Variants in ZNF385D observed in about 807,000 individuals in gnomAD.
ZNF385D encodes zinc finger protein 659.
In ZNF385D, 15 loss-of-function variants were observed where a neutral mutation model predicts 35.8. The observed-to-expected ratio is 0.42, with a 90% CI of 0.28 to 0.64. The LOEUF is 0.64. Among genes scored for constraint, ZNF385D ranks in the 30% least tolerant of loss-of-function variants. The probability of loss-of-function intolerance (pLI) is 0.23; values close to 1 mark genes in which losing one functional copy is unlikely to be tolerated. For missense variants in ZNF385D, 474 were observed against 494.6 expected (o/e 0.96, Z 0.39); for synonymous variants, 212 against 186.8 (o/e 1.13, Z -1.10).
intron 3 of ZNF385D, among the ~76,000 whole-genome samples, chr3:21,832,967 C>T (rs757828888): frequency 6.6e-6 from 1 of 152,146 alleles, no homozygotes; most frequent in Admixed American, 6.5e-5. Context: ...ATATAAAAAT[C>T]AATCTTATTT....
intron 4 of ZNF385D, among the ~76,000 whole-genome samples, chr3:21,457,350 G>T (rs1419533467): frequency 3.5e-5 from 1 of 28,882 alleles, no homozygotes; most frequent in Non-Finnish European, 1.8e-4. Flanking sequence ...TGTTGTCGTT[G>T]TTGTTGTTGT....
intron 2 of ZNF385D, among the ~76,000 whole-genome samples, chr3:22,278,591 C>T (rs1164184217): frequency 1.3e-5 from 2 of 152,056 alleles, no homozygotes; most frequent in Non-Finnish European, 2.9e-5. Flanking sequence ...TATAATTCTC[C>T]TCTTCACATT....
intron 3 of ZNF385D, among the ~76,000 whole-genome samples, chr3:21,789,079 T>C (rs926013836): frequency 2.0e-5 from 3 of 152,180 alleles, no homozygotes; most frequent in African/African-American, 7.2e-5. Context: ...ATTTAACTCC[T>C]AGAAAAATAA....
At chr3:21,440,114 G>A (rs1403043815) in intron 4 of ZNF385D, among the ~76,000 whole-genome samples, 1 of 151,902 alleles carries the variant, frequency 6.6e-6, no homozygotes, top group Non-Finnish European at 1.5e-5. Flanking sequence ...AAGAAAGTAA[G>A]GTAAATATAT....
At chr3:22,220,777 G>A (rs914178768) in intron 2 of ZNF385D, among the ~76,000 whole-genome samples, 3 of 151,942 alleles carry the variant, frequency 2.0e-5, no homozygotes, top group African/African-American at 4.8e-5. Flanking sequence ...TACCACTACC[G>A]TCATCACTTT....
chr3:21,821,354 G>A (rs1032979705), intron 3 of ZNF385D, among the ~76,000 whole-genome samples: 1 of 152,008 alleles, frequency 6.6e-6, no homozygotes, highest in Non-Finnish European at 1.5e-5. Context: ...TCCTAATACT[G>A]GAAATTAAGC....
At chr3:21,468,442 G>A (rs911688938) in intron 4 of ZNF385D, among the ~76,000 whole-genome samples, 3 of 141,916 alleles carry the variant, frequency 2.1e-5, no homozygotes, top group African/African-American at 7.8e-5. Flanking sequence ...CAGACATTCA[G>A]AGTATAATTA....
chr3:21,497,716 G>A (rs1034081090), intron 4 of ZNF385D, among the ~76,000 whole-genome samples: 5 of 152,048 alleles, frequency 3.3e-5, no homozygotes, highest in Admixed American at 6.6e-5. Context: ...GGGTGAGGTG[G>A]CTCATGCCTG....
At chr3:21,474,008 ATG>A (rs1057152073) in intron 4 of ZNF385D, among the ~76,000 whole-genome samples, 127 of 152,110 alleles carry the variant, frequency 8.3e-4, no homozygotes, top group African/African-American at 3.0e-3. Flanking sequence ...ATGTGTATAT[ATG>A]TGTGTGTGTA....
At chr3:21,935,829 C>G (rs1701231218) in intron 3 of ZNF385D, among the ~76,000 whole-genome samples, 1 of 152,052 alleles carries the variant, frequency 6.6e-6, no homozygotes, top group Non-Finnish European at 1.5e-5. Context: ...TCTTGACTTC[C>G]TTTGGCTTCT....
chr3:21,948,172 G>T (rs1684487), intron 3 of ZNF385D, among the ~76,000 whole-genome samples: 131,517 of 152,090 alleles, frequency 0.86, 57,067 homozygotes, highest in East Asian at 0.98. Context: ...AAAACTGGAT[G>T]GATTCTTCTC....
At chr3:22,203,276 G>C (rs1696925588) in intron 2 of ZNF385D, among the ~76,000 whole-genome samples, 1 of 152,080 alleles carries the variant, frequency 6.6e-6, no homozygotes, top group Non-Finnish European at 1.5e-5. Flanking sequence ...GACATTTCTA[G>C]AAACACACTG....
intron 3 of ZNF385D, among the ~76,000 whole-genome samples, chr3:21,551,091 T>C (rs891578144): frequency 3.3e-5 from 5 of 152,228 alleles, no homozygotes; most frequent in South Asian, 2.1e-4. Context: ...TGAGTTCTTA[T>C]GAGTGAGTTC....
intron 3 of ZNF385D, among the ~76,000 whole-genome samples, chr3:22,111,319 G>GTT (rs1559377371): frequency 1.3e-5 from 2 of 151,910 alleles, no homozygotes; most frequent in Non-Finnish European, 2.9e-5. Context: ...CTTGGTAAAT[G>GTT]TAAGTTTACT....
intron 3 of ZNF385D, among the ~76,000 whole-genome samples, chr3:21,528,300 G>A (rs1460972969): frequency 6.6e-6 from 1 of 152,160 alleles, no homozygotes; most frequent in Non-Finnish European, 1.5e-5. Context: ...AGTTCGTGGG[G>A]TGCAATCTCA....
At chr3:21,521,809 T>A (rs1707925763) in intron 3 of ZNF385D, among the ~76,000 whole-genome samples, 1 of 152,110 alleles carries the variant, frequency 6.6e-6, no homozygotes. Flanking sequence ...AATATAAATT[T>A]GTAAAAATAC....
At chr3:22,050,656 C>T (rs1210582468) in intron 3 of ZNF385D, among the ~76,000 whole-genome samples, 1 of 152,088 alleles carries the variant, frequency 6.6e-6, no homozygotes, top group South Asian at 2.1e-4. Context: ...TGACCAAAGG[C>T]CACATATGTT....
intron 3 of ZNF385D, among the ~76,000 whole-genome samples, chr3:21,783,587 C>G (rs2125641736): frequency 6.6e-6 from 1 of 152,246 alleles, no homozygotes; most frequent in East Asian, 1.9e-4. Context: ...TGTAATAGCA[C>G]TGAGCCCTTA....
intron 2 of ZNF385D, among the ~76,000 whole-genome samples, chr3:21,607,669 G>T (rs1439830431): frequency 6.6e-6 from 1 of 152,078 alleles, no homozygotes; most frequent in African/African-American, 2.4e-5. Flanking sequence ...ACTGGTTTAG[G>T]TTCTGTTAGT....
Sources: gnomAD v4.1 joint callset for allele counts (sites outside exome capture counted in the v4.1 genomes callset) on GRCh38, gnomAD v4.1.1 for gene constraint, MANE v1.5 for transcripts, NCBI Gene and HGNC (gene_info 2026-07-23, HGNC 2026-07-21) for gene names.